The following FNDC7 variants were observed in gnomAD, a reference collection of about 807,000 sequenced individuals.
FNDC7 encodes the protein fibronectin type III domain containing 7, also known as fibronectin type III domain-containing protein 7.
In FNDC7, 66 loss-of-function variants were observed where a neutral mutation model predicts 74.2. The observed-to-expected ratio is 0.89, with a 90% confidence interval of 0.73 to 1.09. The LOEUF (loss-of-function observed/expected upper bound fraction) is 1.09, where lower values mean the gene tolerates loss of function less well. FNDC7 is among the 50% of genes least tolerant of loss of function. FNDC7 has a pLI of 0.00. For missense variants in FNDC7, 829 were observed against 893.4 expected, an observed-to-expected ratio of 0.93 and a Z score of 0.92; for synonymous variants, 307 against 330.2, an observed-to-expected ratio of 0.93 and a Z score of 0.76.
intron 5 of FNDC7, 70 bp from the exon 6 acceptor site, chr1:108,725,680 T>C (rs1267860042): frequency 3.9e-6 from 6 of 1,524,580 alleles, no homozygotes; most frequent in Non-Finnish European, 5.3e-6. Context: ...TATTGAAATC[T>C]TGGATAATTG....
chr1:108,725,955 T>C lies in FNDC7; in HGVS notation c.1062T>C (p.Tyr354=), dbSNP rs192640023. ...GFTYFISVFV[Y]NKAGQSPLGD... The stretch of plus-strand genomic sequence containing the variant: ...CTTATTTTATTAGTGTTTTTGTCTA[T>C]AACAAGGCAGGGCAAAGTCCTTTGG... The change falls in exon 6 of 13, where the codon TAT becomes TAC. Residue 354 remains tyrosine (Y), a synonymous_variant. Transcript: ENST00000370017. The C allele has an allele frequency of 3.7e-5, 60 of 1,613,400 alleles. No individual in the cohort carries two copies. The East Asian group carries it at 9.8e-4, about 26-fold the overall frequency.
chr1:108,713,059 TC>T, intron 1 of FNDC7, 63 bp downstream of exon 1: 1 of 1,451,548 alleles, frequency 6.9e-7, no homozygotes, highest in Non-Finnish European at 9.4e-7. Context: ...ACATTATTTT[TC>T]TCTCCTTTTT....
chr1:108,722,285 C>A (rs544881849), intron 4 of FNDC7, 50 bp from the exon 5 acceptor site: 1 of 1,479,580 alleles, frequency 6.8e-7, no homozygotes. Flanking sequence ...CCAACTCTTA[C>A]GTAGTTTGTA....
intron 9 of FNDC7, among the ~76,000 whole-genome samples, chr1:108,732,458 C>A (rs949972984): frequency 2.0e-5 from 3 of 151,960 alleles, no homozygotes; most frequent in African/African-American, 4.8e-5. Flanking sequence ...CTACTCATCT[C>A]GGCAAAATTG....
At chr1:108,719,641 G>C (rs1025453897) in intron 4 of FNDC7, among the ~76,000 whole-genome samples, 1 of 152,088 alleles carries the variant, frequency 6.6e-6, no homozygotes, top group Non-Finnish European at 1.5e-5. Context: ...GCTGAAGCTT[G>C]GTGTGCATTT....
chr1:108,732,956 T>G (rs1201620377), intron 9 of FNDC7, among the ~76,000 whole-genome samples: 2 of 146,672 alleles, frequency 1.4e-5, no homozygotes, highest in South Asian at 2.2e-4. Flanking sequence ...TTTTTTTTTG[T>G]AGAGTCAGGG....
chr1:108,717,712 A>C (rs1310087742), intron 2 of FNDC7, 65 bp from the exon 3 acceptor site: 1 of 1,495,614 alleles, frequency 6.7e-7, no homozygotes, highest in Non-Finnish European at 9.1e-7. Flanking sequence ...TTGAAGAGTA[A>C]AATGATGAAA....
At chr1:108,736,820 G>A (rs191668325) in intron 10 of FNDC7, among the ~76,000 whole-genome samples, 1 of 152,276 alleles carries the variant, frequency 6.6e-6, no homozygotes, top group African/African-American at 2.4e-5. Flanking sequence ...TGCAGTATCA[G>A]TGATGTCTTA....
In FNDC7 at chr1:108,733,478, C is replaced by T. The variant is rs1272996337; in HGVS notation, c.2086C>T (p.Pro696Ser). The change falls in exon 10 of 13, where the codon CCA (proline) becomes TCA (serine). Residue 696 changes from proline (P) to serine (S), a missense_variant. Coordinates refer to ENST00000370017, the MANE Select transcript of FNDC7 (RefSeq NM_001144937.3). ...CGDVYTVMVS[P>S]VAKTGLKLTF... Reference sequence around the variant, plus strand: ...GGATGTATACACTGTGATGGTCTCACCAGTTGCTAAAACAGGATTGAAGCT... The same window carrying T: ...GGATGTATACACTGTGATGGTCTCATCAGTTGCTAAAACAGGATTGAAGCT... 3.1e-6 allele frequency: 5 copies of T among 1,613,904 alleles called. No homozygotes were observed. The South Asian group carries it at 4.4e-5, about 14-fold the overall frequency.
At chr1:108,734,524 T>C (rs1405417403) in intron 10 of FNDC7, 1 of 152,176 alleles carries the variant, frequency 6.6e-6, no homozygotes, top group African/African-American at 2.4e-5. Context: ...AAAGAATAAA[T>C]ATTGGCTCAC....
Position 108,722,591 on chromosome 1 carries a change from T to C in FNDC7, c.855T>C (p.Thr285=). The C allele has an allele frequency of 6.2e-7, 1 of 1,611,506 alleles. No homozygotes were observed. Among genetic ancestry groups the C allele is most frequent in the Non-Finnish European group, 8.5e-7 (1 of 1,178,262 alleles). ...SKSSSAMTLK[T]VACAPGRVTI... The stretch of plus-strand genomic sequence containing the variant: ...CATCTTCAGCAATGACCCTGAAAAC[T>C]GGTATGTAAACAAGAGTGAGACTGC... Residue 285 remains threonine (T), a splice_region_variant and synonymous_variant, in exon 5 of 13, where the codon ACT becomes ACC. Coordinates refer to ENST00000370017, the MANE Select transcript of FNDC7 (RefSeq NM_001144937.3).
chr1:108,740,318 C>CT (rs567191029), intron 11 of FNDC7, among the ~76,000 whole-genome samples: 3,285 of 68,886 alleles, frequency 0.048, 297 homozygotes, highest in Non-Finnish European at 0.051. Flanking sequence ...GCTTTTCAAA[C>CT]TTTTTTTTTT....
chr1:108,726,838 T>C (rs1661229934), intron 6 of FNDC7, among the ~76,000 whole-genome samples: 1 of 152,140 alleles, frequency 6.6e-6, no homozygotes, highest in African/African-American at 2.4e-5. Flanking sequence ...GGATGAGGGA[T>C]CTAAATCATT....
intron 5 of FNDC7, among the ~76,000 whole-genome samples, chr1:108,723,386 T>G (rs1345231801): frequency 6.6e-6 from 1 of 152,158 alleles, no homozygotes; most frequent in African/African-American, 2.4e-5. Context: ...ACAATTACAA[T>G]AATATCTACT....
At chr1:108,723,082 T>C (rs1661132882) in intron 5 of FNDC7, among the ~76,000 whole-genome samples, 1 of 152,230 alleles carries the variant, frequency 6.6e-6, no homozygotes. Context: ...ATGTGGAAGT[T>C]GACTCCTCTA....
At chr1:108,723,819 A>G (rs1440571492) in intron 5 of FNDC7, among the ~76,000 whole-genome samples, 1 of 152,232 alleles carries the variant, frequency 6.6e-6, no homozygotes, top group African/African-American at 2.4e-5. Flanking sequence ...ACTTAAGACC[A>G]ACTGGAGTTG....
chr1:108,713,461 C>T, intron 1 of FNDC7, 50 bp from the exon 2 acceptor site: 1 of 1,503,270 alleles, frequency 6.7e-7, no homozygotes, highest in Non-Finnish European at 9.0e-7. Flanking sequence ...TACGTTTGTT[C>T]AAGTTGTGTT....
intron 10 of FNDC7, among the ~76,000 whole-genome samples, chr1:108,735,789 T>C (rs1282628654): frequency 8.7e-5 from 1 of 11,488 alleles, no homozygotes; most frequent in Non-Finnish European, 3.3e-4. Flanking sequence ...GAGAAATTGT[T>C]TTTTTTTGTG....
chr1:108,734,312 T>C (rs1433087379), intron 10 of FNDC7: 1 of 152,044 alleles, frequency 6.6e-6, no homozygotes. Context: ...GCAATATGAG[T>C]GGGCAGACAA....
Sources: allele counts gnomAD v4.1 joint callset (sites outside exome capture counted in the v4.1 genomes callset), GRCh38; gene constraint gnomAD v4.1.1; transcripts MANE v1.5; gene names NCBI Gene and HGNC (gene_info 2026-07-23, HGNC 2026-07-21).